The following LIMK1 variants were observed in gnomAD, a reference collection of about 807,000 sequenced individuals.
LIMK1 encodes the protein LIM motif-containing protein kinase.
Under a neutral mutation model 77.6 loss-of-function variants are expected in LIMK1, and 21 were observed. The observed-to-expected ratio is 0.27, with a 90% CI of 0.19 to 0.39. The LOEUF is 0.39. LIMK1 is among the 10% of genes least tolerant of loss of function. The probability of loss-of-function intolerance (pLI) is 1.00; values close to 1 mark genes in which losing one functional copy is unlikely to be tolerated. For missense variants in LIMK1, 696 were observed against 901.6 expected (o/e 0.77, Z 2.92); for synonymous variants, 358 against 370.0 (o/e 0.97, Z 0.37).
rs782706924 is a variant in LIMK1 at position 74,121,115 on chromosome 7, G to A, written c.1782-24G>A. On this transcript the variant is annotated intron_variant, in intron 15 of 15. Transcript: ENST00000336180. ...GATTCCCGGGACAGCCAGACCCACC[G>A]TTCCCCACCCACCTGTCACCCAGGC... The A allele has an allele frequency of 9.5e-5, 153 of 1,607,494 alleles. 1 individual carries two copies. In the South Asian group the frequency reaches 1.3e-3, roughly 13 times the overall value.
chr7:74,094,235 AGTG>A (rs1554695227), intron 2 of LIMK1: 1 of 152,242 alleles, frequency 6.6e-6, no homozygotes, highest in East Asian at 1.9e-4. Context: ...GCATCAAGGA[AGTG>A]GTGACCGGAG....
At chr7:74,092,987 G>C (rs1263896200) in intron 2 of LIMK1, 2 of 597,240 alleles carry the variant, frequency 3.3e-6, no homozygotes, top group Admixed American at 7.2e-5. Context: ...CAGGCTCCCT[G>C]CCTGGGGTCC....
Position 74,107,086 on chromosome 7 carries a change from C to G in LIMK1, c.958C>G (p.Arg320Gly). 6.2e-7 allele frequency: 1 copy of G among 1,610,772 alleles called. No individual in the cohort carries two copies. The highest frequency in any genetic ancestry group is 8.5e-7 in the Non-Finnish European group (1 of 1,179,210). ...GGCCTCCCAGCGCAAGGACCTGGGTCGCTCTGAGTCCCTCCGCGTAGTCTG... is the reference window on the plus strand; with the variant it reads ...GGCCTCCCAGCGCAAGGACCTGGGTGGCTCTGAGTCCCTCCGCGTAGTCTG... ...SPASQRKDLG[R>G]SESLRVVCRP... The change falls in exon 8 of 16, where the codon CGC becomes GGC. Residue 320 changes from arginine to glycine, a missense_variant. Arg to Gly is a moderately radical substitution (Grantham distance 125). Transcript: ENST00000336180.
At chr7:74,089,793 C>G (rs782516984) in intron 2 of LIMK1, among the ~76,000 whole-genome samples, 1 of 151,980 alleles carries the variant, frequency 6.6e-6, no homozygotes, top group Non-Finnish European at 1.5e-5. Context: ...ACGGCCGCCT[C>G]GGAGCTGGCC....
intron 2 of LIMK1, among the ~76,000 whole-genome samples, chr7:74,091,598 T>C (rs917850117): frequency 6.6e-6 from 1 of 152,152 alleles, no homozygotes; most frequent in Non-Finnish European, 1.5e-5. Flanking sequence ...AGGAGTAGAA[T>C]CAGGACTCGA....
At chr7:74,103,480 G>A (rs906049207) in intron 5 of LIMK1, among the ~76,000 whole-genome samples, 5 of 152,156 alleles carry the variant, frequency 3.3e-5, no homozygotes, top group African/African-American at 1.2e-4. Context: ...CTGTCCTTCC[G>A]AGTGGATCTT....
At chr7:74,104,910 C>G (rs912750130) in intron 5 of LIMK1, among the ~76,000 whole-genome samples, 3 of 152,078 alleles carry the variant, frequency 2.0e-5, no homozygotes, top group Non-Finnish European at 4.4e-5. Flanking sequence ...ACTCATCTGC[C>G]CCAAGCATAC....
intron 2 of LIMK1, among the ~76,000 whole-genome samples, chr7:74,089,819 G>A (rs1799203417): frequency 6.6e-6 from 1 of 152,058 alleles, no homozygotes; most frequent in Non-Finnish European, 1.5e-5. Context: ...ATGGTGAGTG[G>A]GATTTGTGAT....
intron 10 of LIMK1, chr7:74,110,289 G>C (rs1442206773): frequency 6.6e-6 from 1 of 151,970 alleles, no homozygotes; most frequent in Non-Finnish European, 1.5e-5. Flanking sequence ...ACAGGAGGTC[G>C]AGGCTGCACT....
chr7:74,109,009 C>T lies in LIMK1; in HGVS notation c.1257C>T (p.Gly419=), dbSNP rs565315220. 49 of 1,613,850 alleles carry T rather than the reference C, an allele frequency of 3.0e-5. No homozygotes were observed. The highest frequency in any genetic ancestry group is 6.6e-5 in the South Asian group (6 of 91,060). Residue 419 remains glycine, a synonymous_variant, in exon 10 of 16, where the codon GGC becomes GGT. Coordinates refer to ENST00000336180, the MANE Select transcript of LIMK1 (RefSeq NM_002314.4). ...TCATCACTGAGTACATCAAGGGCGGCACGCTCCGGGGCATCATCAAGAGCA... is the reference window on the plus strand; with the variant it reads ...TCATCACTGAGTACATCAAGGGCGGTACGCTCCGGGGCATCATCAAGAGCA... The part of the protein sequence containing the change: ...LNFITEYIKG[G]TLRGIIKSMD...
At chr7:74,094,316 G>C (rs1799295987) in intron 2 of LIMK1, 1 of 152,272 alleles carries the variant, frequency 6.6e-6, no homozygotes, top group Admixed American at 6.5e-5. Context: ...TGCTGAAAGT[G>C]AGCAACAGTG....
intron 2 of LIMK1, chr7:74,093,082 T>TC: frequency 7.2e-7 from 1 of 1,388,738 alleles, no homozygotes; most frequent in East Asian, 2.6e-5. Context: ...TCAGACCAAG[T>TC]CCCCTGGCAC....
chr7:74,109,231 A>C, intron 10 of LIMK1, 195 bp downstream of exon 10: 1 of 550,316 alleles, frequency 1.8e-6, no homozygotes. Flanking sequence ...ACAATGGTGC[A>C]CACCTGTTAT....
At chr7:74,084,448 C>T (rs1335423462) in intron 1 of LIMK1, among the ~76,000 whole-genome samples, 1 of 152,178 alleles carries the variant, frequency 6.6e-6, no homozygotes, top group Non-Finnish European at 1.5e-5. Flanking sequence ...GGCCGCCGGG[C>T]GCCTGCCCGG....
chr7:74,101,113 C>T (rs923451523), intron 5 of LIMK1, among the ~76,000 whole-genome samples: 3 of 152,204 alleles, frequency 2.0e-5, no homozygotes, highest in African/African-American at 7.2e-5. Flanking sequence ...TGCATAGGCA[C>T]TGTTGAGATG....
chr7:74,117,033 C>G lies in LIMK1; in HGVS notation c.1567+1075C>G, dbSNP rs570829864. ...AGTAGCTGGGACTACAGGCGCCCGC[C>G]AACACGCCTGGCTAATTTTTTGTAT... On this transcript the variant is annotated intron_variant, in intron 13 of 15. Transcript: ENST00000336180. Among the ~76,000 whole-genome samples, 4 of 152,192 alleles carry G rather than the reference C, an allele frequency of 2.6e-5. No homozygotes were observed. The South Asian group carries it at 8.3e-4, about 32-fold the overall frequency.
chr7:74,111,966 G>T lies in LIMK1; in HGVS notation c.1378G>T (p.Asp460Tyr). The T allele has an allele frequency of 6.2e-7, 1 of 1,612,674 alleles. No homozygotes were observed. Residue 460 changes from aspartate (D) to tyrosine (Y), a missense_variant, in exon 12 of 16, where the codon GAC (aspartate) becomes TAC (tyrosine). This residue lies in a region of LIMK1 where 438 missense variants were observed against 602.3 expected (regional missense o/e 0.73). Transcript: ENST00000336180. ...CCACTCCATGAACATCATCCACCGA[G>T]ACCTCAACTCCCACAACTGCCTGGT... ...YLHSMNIIHR[D>Y]LNSHNCLVRE...
intron 13 of LIMK1, among the ~76,000 whole-genome samples, chr7:74,118,332 G>A (rs1385406633): frequency 6.8e-6 from 1 of 147,030 alleles, no homozygotes; most frequent in Non-Finnish European, 1.5e-5. Context: ...AGCCGAGATC[G>A]CACCACTGTA....
intron 5 of LIMK1, among the ~76,000 whole-genome samples, chr7:74,103,495 G>A (rs1002068585): frequency 6.6e-6 from 1 of 152,162 alleles, no homozygotes; most frequent in Non-Finnish European, 1.5e-5. Context: ...GATCTTGCCA[G>A]GAGACATATG....
Sources: gnomAD v4.1 joint callset for allele counts (sites outside exome capture counted in the v4.1 genomes callset) on GRCh38, gnomAD v4.1.1 for gene constraint, gnomAD v4.1.1 regional missense constraint, MANE v1.5 for transcripts, NCBI Gene and HGNC (gene_info 2026-07-23, HGNC 2026-07-21) for gene names.